The following KIF13B variants were observed in gnomAD, a reference collection of about 807,000 sequenced individuals.
KIF13B encodes the protein kinesin family member 13B, also known as kinesin-like protein KIF13B.
KIF13B carries 127 observed loss-of-function variants against 222.0 expected under a neutral mutation model. The observed-to-expected ratio is 0.57, with a 90% CI of 0.50 to 0.66. KIF13B has a LOEUF of 0.66. Ranked by LOEUF, KIF13B falls within the 30% of genes least tolerant of loss-of-function variation. KIF13B has a pLI of 0.00. For missense variants in KIF13B, 2,173 were observed against 2,379.0 expected, an observed-to-expected ratio of 0.91 and a Z score of 1.80; for synonymous variants, 976 against 919.0, an observed-to-expected ratio of 1.06 and a Z score of -1.12.
In KIF13B at chr8:29,155,846, A is replaced by G; in HGVS notation, c.1415T>C (p.Leu472Ser). ...LLVYYLKEHT[L>S]IGSANSQDIQ... Reference sequence around the variant, plus strand: ...ATCTTGGGAATTTGCTGACCCTATCAATGTATGTTCCTAAGAAAAAACCAA... The same window carrying G: ...ATCTTGGGAATTTGCTGACCCTATCGATGTATGTTCCTAAGAAAAAACCAA... Residue 472 changes from leucine (L) to serine (S), a missense_variant, in exon 14 of 40, where the codon TTG (leucine) becomes TCG (serine). Physicochemically the swap from Leu to Ser is moderately radical, Grantham distance 145. Coordinates refer to ENST00000524189, the MANE Select transcript of KIF13B (RefSeq NM_015254.4). The G allele has an allele frequency of 1.3e-6, 2 of 1,575,344 alleles. No individual in the cohort carries two copies. Among genetic ancestry groups the G allele is most frequent in the Non-Finnish European group, 1.7e-6 (2 of 1,158,140 alleles).
chr8:29,214,071 G>A lies in KIF13B; in HGVS notation c.150-17872C>T, dbSNP rs904780935. ...ACCATCAATGCAGTTTGCAGGACTG[G>A]CCATTGCATCAGGTGAGTCAGTGGG... On this transcript the variant is annotated intron_variant, in intron 2 of 39. Transcript: ENST00000524189. Among the ~76,000 whole-genome samples the A allele has an allele frequency of 2.6e-5, 4 of 152,342 alleles. No homozygotes were observed. The South Asian group carries it at 8.3e-4, about 32-fold the overall frequency.
At chr8:29,090,093 G>T (rs147048982) in intron 37 of KIF13B, among the ~76,000 whole-genome samples, 152 of 152,250 alleles carry the variant, frequency 1.0e-3, no homozygotes, top group African/African-American at 3.4e-3. Context: ...GACTGAAGGC[G>T]CTTCACATGC....
chr8:29,154,544 T>C (rs1043281634), intron 14 of KIF13B, among the ~76,000 whole-genome samples: 9 of 152,234 alleles, frequency 5.9e-5, no homozygotes, highest in Non-Finnish European at 1.3e-4. Context: ...ATCGTATGAA[T>C]GGGTATTTCA....
At position 29,214,616 on chromosome 8, in the gene KIF13B, G is replaced by A. The variant is rs538836847; in HGVS notation, c.150-18417C>T. Among the ~76,000 whole-genome samples, 3 of 152,238 alleles carry A rather than the reference G, an allele frequency of 2.0e-5. No individual in the cohort carries two copies. In the South Asian group the frequency reaches 6.2e-4, roughly 32 times the overall value. On this transcript the variant is annotated intron_variant, in intron 2 of 39. Transcript: ENST00000524189. ...TTAACCTTTTTAAAAATGGGTAGTA[G>A]GCATATACACTAAAATAATGATAAA...
intron 13 of KIF13B, among the ~76,000 whole-genome samples, chr8:29,157,915 C>T (rs559319691): frequency 3.3e-5 from 5 of 152,002 alleles, no homozygotes; most frequent in Non-Finnish European, 7.4e-5. Context: ...CTTACCCGGG[C>T]TTACAAAGCA....
chr8:29,145,691 C>A (rs1223292332), intron 18 of KIF13B, among the ~76,000 whole-genome samples: 1 of 151,678 alleles, frequency 6.6e-6, no homozygotes, highest in Admixed American at 6.6e-5. Flanking sequence ...GCTGTGTTGA[C>A]TACCGCAGGC....
At chr8:29,233,648 G>T (rs1424765223) in intron 2 of KIF13B, among the ~76,000 whole-genome samples, 3 of 152,146 alleles carry the variant, frequency 2.0e-5, no homozygotes, top group Non-Finnish European at 4.4e-5. Flanking sequence ...TGTTTATATG[G>T]GTTATAGCTG....
chr8:29,155,392 G>A (rs992886001), intron 14 of KIF13B, among the ~76,000 whole-genome samples: 1 of 152,226 alleles, frequency 6.6e-6, no homozygotes, highest in Non-Finnish European at 1.5e-5. Flanking sequence ...TGCTGAGGAG[G>A]AGGAGATAAA....
At chr8:29,181,790 T>C in intron 7 of KIF13B, 129 bp downstream of exon 7, 1 of 526,338 alleles carries the variant, frequency 1.9e-6, no homozygotes, top group South Asian at 3.3e-5. Context: ...TTTAGGATTT[T>C]TGTAAAGTGA....
intron 1 of KIF13B, among the ~76,000 whole-genome samples, chr8:29,252,063 G>A (rs77667249): frequency 3.3e-5 from 5 of 151,882 alleles, no homozygotes; most frequent in South Asian, 4.1e-4. Flanking sequence ...AGGGGGAAGC[G>A]GGAAGGAAGG....
chr8:29,117,196 A>G (rs1809644645), intron 30 of KIF13B, among the ~76,000 whole-genome samples, 189 bp from the exon 31 acceptor site: 1 of 152,246 alleles, frequency 6.6e-6, no homozygotes, highest in Non-Finnish European at 1.5e-5. Flanking sequence ...CCTGAAAAGT[A>G]TAGAGCATGA....
At chr8:29,166,276 C>T (rs112232389) in intron 11 of KIF13B, among the ~76,000 whole-genome samples, 1,923 of 152,230 alleles carry the variant, frequency 0.013, 24 homozygotes, top group African/African-American at 0.029. Context: ...GGTAAAAATA[C>T]GATCAAGATA....
chr8:29,181,992 A>G lies in KIF13B; in HGVS notation c.512T>C (p.Leu171Ser), dbSNP rs748820334. 4 of 1,612,910 alleles carry G rather than the reference A, an allele frequency of 2.5e-6. No homozygotes were observed. Among genetic ancestry groups the G allele is most frequent in the Non-Finnish European group, 3.4e-6 (4 of 1,179,430 alleles). The change falls in exon 7 of 40, where the codon TTG becomes TCG. Residue 171 changes from leucine to serine, a missense_variant. By Grantham distance (145) the Leu-to-Ser change is moderately radical. Transcript: ENST00000524189. ...CAACACACTATGCTCTCTGACTTTC[A>G]ACGTCTGACGGCTTCTGTTCATGAA... The part of the protein sequence containing the change: ...LLDPKGSRQT[L>S]KVREHSVLGP...
At chr8:29,093,312 CTA>C (rs1808382456) in intron 36 of KIF13B, among the ~76,000 whole-genome samples, 1 of 152,128 alleles carries the variant, frequency 6.6e-6, no homozygotes, top group African/African-American at 2.4e-5. Flanking sequence ...TTTTTCATAA[CTA>C]CTGAAGGAAG....
At position 29,071,442 on chromosome 8, in the gene KIF13B, A is replaced by T. The variant is rs1451584634; in HGVS notation, c.5218+178T>A. On this transcript the variant is annotated intron_variant, in intron 39 of 39. Coordinates refer to ENST00000524189, the MANE Select transcript of KIF13B (RefSeq NM_015254.4). The surrounding 1 kb of genome is among the most constrained non-coding windows in gnomAD (Gnocchi z 4.9). ...GGAATTTTCCATGTCGTCTCCAGGG[A>T]CTAGCCCTGCCCCCAGCCTCACCCC... 6.6e-6 allele frequency among the ~76,000 whole-genome samples: 1 copy of T among 151,998 alleles called. No homozygotes were observed. Among genetic ancestry groups the T allele is most frequent in the Non-Finnish European group, 1.5e-5 (1 of 67,966 alleles).
intron 12 of KIF13B, among the ~76,000 whole-genome samples, chr8:29,163,029 A>G (rs1811849072): frequency 6.6e-6 from 1 of 152,196 alleles, no homozygotes; most frequent in Admixed American, 6.5e-5. Context: ...TTTAAATCAC[A>G]TGCATTGTCT....
chr8:29,255,534 C>G (rs1435544892), intron 1 of KIF13B, among the ~76,000 whole-genome samples: 1 of 152,000 alleles, frequency 6.6e-6, no homozygotes, highest in Non-Finnish European at 1.5e-5. Flanking sequence ...TCTATTGGCT[C>G]TATCTATACA....
At chr8:29,150,875 T>C (rs1174696455) in intron 14 of KIF13B, among the ~76,000 whole-genome samples, 1 of 152,106 alleles carries the variant, frequency 6.6e-6, no homozygotes. Flanking sequence ...ATATTGAAAT[T>C]AGGCTAATTA....
At chr8:29,132,812 A>C (rs567206387) in intron 22 of KIF13B, among the ~76,000 whole-genome samples, 3 of 152,234 alleles carry the variant, frequency 2.0e-5, no homozygotes, top group African/African-American at 7.2e-5. Flanking sequence ...TGTTGATATA[A>C]AAGTTATATG....
Sources: allele counts gnomAD v4.1 joint callset (sites outside exome capture counted in the v4.1 genomes callset), GRCh38; gene constraint gnomAD v4.1.1; non-coding constraint Gnocchi (gnomAD v3.1); transcripts MANE v1.5; gene names NCBI Gene and HGNC (gene_info 2026-07-23, HGNC 2026-07-21).